The following ZNF222 variants were observed in gnomAD, a reference collection of about 807,000 sequenced individuals.
ZNF222 encodes the protein zinc finger protein 222.
Under a neutral mutation model 11.6 loss-of-function variants are expected in ZNF222, and 8 were observed. The observed-to-expected ratio is 0.69, with a 90% CI of 0.41 to 1.25. The LOEUF (loss-of-function observed/expected upper bound fraction) is 1.25. Ranked by LOEUF, ZNF222 falls within the 50% of genes most tolerant of loss-of-function variation. The pLI is 0.01. For synonymous variants in ZNF222, 171 were observed against 195.6 expected, an observed-to-expected ratio of 0.87 and a Z score of 1.05; for missense variants, 483 against 576.1, an observed-to-expected ratio of 0.84 and a Z score of 1.65.
chr19:44,030,814 A>T (rs1474137810), intron 3 of ZNF222: 1 of 152,204 alleles, frequency 6.6e-6, no homozygotes, highest in Non-Finnish European at 1.5e-5. Context: ...TGGTTCACTG[A>T]TTCCCTGTGA....
At position 44,027,263 on chromosome 19, in the gene ZNF222, C is replaced by T. The variant is rs1258580390; in HGVS notation, c.169+114C>T. The T allele has an allele frequency of 2.3e-5, 37 of 1,583,748 alleles. No individual in the cohort carries two copies. In the Admixed American group the frequency reaches 3.0e-4, roughly 13 times the overall value. The stretch of plus-strand genomic sequence containing the variant: ...AACCTACATTTCCAGTAAATTTTGC[C>T]TGGCTATTAGGTTGGTGCAAAAGTA... On this transcript the variant is annotated intron_variant, in intron 2 of 3. Coordinates refer to ENST00000391960, the MANE Select transcript of ZNF222 (RefSeq NM_001129996.2).
At chr19:44,027,580 C>T in intron 3 of ZNF222, 90 bp downstream of exon 3, 1 of 1,228,778 alleles carries the variant, frequency 8.1e-7, no homozygotes, top group Non-Finnish European at 1.2e-6. Flanking sequence ...AATGGCCAAA[C>T]CTGTTTCCTG....
intron 3 of ZNF222, among the ~76,000 whole-genome samples, chr19:44,030,513 T>C (rs1248852169): frequency 6.6e-6 from 1 of 152,270 alleles, no homozygotes; most frequent in Non-Finnish European, 1.5e-5. Context: ...ATTCACTGAA[T>C]GCTTTTATCC....
intron 1 of ZNF222, among the ~76,000 whole-genome samples, chr19:44,026,277 T>C (rs896003247): frequency 2.8e-4 from 30 of 107,506 alleles, no homozygotes; most frequent in Admixed American, 3.2e-4. Context: ...TTTTTCATTT[T>C]AAAGATGGGC....
rs141526492 is a variant in ZNF222 at position 44,028,745 on chromosome 19, A to G, written c.262+1255A>G. 3.5e-3 allele frequency among the ~76,000 whole-genome samples: 533 copies of G among 152,312 alleles called. 1 individual carries two copies. Among genetic ancestry groups the G allele is most frequent in the African/African-American group, 0.012 (503 of 41,574 alleles). On this transcript the variant is annotated intron_variant, in intron 3 of 3. Coordinates refer to ENST00000391960, the MANE Select transcript of ZNF222 (RefSeq NM_001129996.2). ...ATTTGGTATTCTTATGAATGAATTA[A>G]TGGATGAGAGGACTTGACTGTCTGT...
chr19:44,026,935 T>C, intron 1 of ZNF222, 88 bp from the exon 2 acceptor site: 1 of 1,574,896 alleles, frequency 6.3e-7, no homozygotes, highest in East Asian at 2.2e-5. Context: ...AAAACAACTT[T>C]ACACTTGTCC....
At chr19:44,031,585 C>T (rs188752856) in intron 3 of ZNF222, among the ~76,000 whole-genome samples, 17 of 152,292 alleles carry the variant, frequency 1.1e-4, no homozygotes, top group East Asian at 9.6e-4. Flanking sequence ...TGGATTTAAG[C>T]GATTCTCCTG....
At chr19:44,030,068 TA>T (rs1976468961) in intron 3 of ZNF222, among the ~76,000 whole-genome samples, 1 of 152,202 alleles carries the variant, frequency 6.6e-6, no homozygotes, top group East Asian at 1.9e-4. Flanking sequence ...GTCTTGAGTA[TA>T]AAAAGTTATA....
rs150729689 is a variant in ZNF222, at chr19:44,030,554, T to G, written c.263-1263T>G. ...GTTACTGATTCTTACAGGGAAAACATGCATATTATAGTTAACCAAGAGAGA... is the reference window on the plus strand; with the variant it reads ...GTTACTGATTCTTACAGGGAAAACAGGCATATTATAGTTAACCAAGAGAGA... On this transcript the variant is annotated intron_variant, in intron 3 of 3. Coordinates refer to ENST00000391960, the MANE Select transcript of ZNF222 (RefSeq NM_001129996.2). Among the ~76,000 whole-genome samples, 380 of 152,338 alleles carry G rather than the reference T, an allele frequency of 2.5e-3. 4 individuals carry two copies. The highest frequency in any genetic ancestry group is 8.5e-3 in the African/African-American group (353 of 41,562).
rs73933982 is a variant in ZNF222 at position 44,026,931 on chromosome 19, A to G, written c.43-92A>G. ...CCTATGTCTCTCAAGATCCAAAACA[A>G]CTTTACACTTGTCCCTTGTGCCAGT... is the stretch of plus-strand genomic sequence containing the variant. On this transcript the variant is annotated intron_variant, in intron 1 of 3. Coordinates refer to ENST00000391960, the MANE Select transcript of ZNF222 (RefSeq NM_001129996.2). 1.9e-3 allele frequency: 3,014 copies of G among 1,570,198 alleles called. 42 individuals are homozygous for G. In the African/African-American group the frequency reaches 0.036, roughly 19 times the overall value.
At chr19:44,029,200 T>TG (rs1228199377) in intron 3 of ZNF222, among the ~76,000 whole-genome samples, 5 of 147,064 alleles carry the variant, frequency 3.4e-5, no homozygotes, top group Admixed American at 6.7e-5. Flanking sequence ...TGTTTTTTTT[T>TG]TTTTTTTTTT....
At position 44,031,978 on chromosome 19, in the gene ZNF222, C is replaced by G; in HGVS notation, c.424C>G (p.Gln142Glu). Reference protein sequence around the residue: ...QLFEQDDNPSQIKARLSTVHT... With the variant: ...QLFEQDDNPSEIKARLSTVHT... ...ATTTGAACAAGATGACAACCCCTCC[C>G]AGATTAAAGCAAGACTATCTACAGT... Residue 142 changes from glutamine (Q) to glutamate (E), a missense_variant, in exon 4 of 4, where the codon CAG becomes GAG. By Grantham distance (29) the Gln-to-Glu change is conservative (BLOSUM62 2). Transcript: ENST00000391960. 5 of 1,614,206 alleles carry G rather than the reference C, an allele frequency of 3.1e-6. No individual in the cohort carries two copies. Among genetic ancestry groups the G allele is most frequent in the Non-Finnish European group, 4.2e-6 (5 of 1,180,030 alleles).
At chr19:44,029,177 G>GTTTTTTTTTTTTTTTTTTTT (rs1568503536) in intron 3 of ZNF222, among the ~76,000 whole-genome samples, 1 of 125,916 alleles carries the variant, frequency 7.9e-6, no homozygotes, top group African/African-American at 3.2e-5. Flanking sequence ...ACAGTTGTTG[G>GTTTTTTTTTTTTTTTTTTTT]TTTGTTTTGT....
rs376707144 is a variant in ZNF222 at position 44,032,810 on chromosome 19, G to T, written c.1256G>T (p.Arg419Ile). Residue 419 changes from arginine (R) to isoleucine (I), a missense_variant, in exon 4 of 4, where the codon AGA becomes ATA. By Grantham distance (97) the Arg-to-Ile change is moderately conservative. Coordinates refer to ENST00000391960, the MANE Select transcript of ZNF222 (RefSeq NM_001129996.2). ...TGTGATAACTGCGGGAAGAGCTTTA[G>T]ACATGCTTCTAGTATTTTGAATCAT... The part of the protein sequence containing the change: ...YNCDNCGKSF[R>I]HASSILNHKK... 16 of 1,613,778 alleles carry T rather than the reference G, an allele frequency of 9.9e-6. No homozygotes were observed. The African/African-American group carries it at 2.1e-4, about 22-fold the overall frequency.
In ZNF222 at chr19:44,025,536, G is replaced by T. The variant is rs1350444811; in HGVS notation, c.42+58G>T. 1.3e-5 allele frequency: 20 copies of T among 1,509,054 alleles called. No individual in the cohort carries two copies. The highest frequency in any genetic ancestry group is 1.8e-5 in the Non-Finnish European group (20 of 1,126,626). 93.5% of individuals were successfully genotyped at this position (1,509,054 alleles called of 1,614,324 possible). A position where few individuals can be genotyped will look rare whatever the true frequency, so the allele number is the denominator to read the frequency against. ...CAGTCAGCTGAGCCTTCTGGCGTCGGGGGGCTCTGCTAGGGTCTCAGGGAG... is the reference window on the plus strand; with the variant it reads ...CAGTCAGCTGAGCCTTCTGGCGTCGTGGGGCTCTGCTAGGGTCTCAGGGAG... On this transcript the variant is annotated intron_variant, in intron 1 of 3. Transcript: ENST00000391960. The surrounding 1 kb of genome is among the most constrained non-coding windows in gnomAD (Gnocchi z 4.6).
intron 3 of ZNF222, among the ~76,000 whole-genome samples, chr19:44,029,177 G>GTTTTTTTTTTTTTTTTTT (rs1568503536): frequency 1.6e-5 from 2 of 125,916 alleles, no homozygotes; most frequent in African/African-American, 6.5e-5. Flanking sequence ...ACAGTTGTTG[G>GTTTTTTTTTTTTTTTTTT]TTTGTTTTGT....
chr19:44,032,070 T>C lies in ZNF222; in HGVS notation c.516T>C (p.Phe172=). ...CKQFFSDVSF[F]DLPQQLYSGE... ...AGTTCTTCAGTGATGTTTCCTTCTT[T>C]GATCTTCCTCAGCAGTTATATTCAG... The change falls in exon 4 of 4, where the codon TTT becomes TTC. Residue 172 remains phenylalanine, a synonymous_variant. Coordinates refer to ENST00000391960, the MANE Select transcript of ZNF222 (RefSeq NM_001129996.2). The C allele has an allele frequency of 6.2e-7, 1 of 1,614,242 alleles. No homozygotes were observed. Among genetic ancestry groups the C allele is most frequent in the South Asian group, 1.1e-5 (1 of 91,092 alleles).
chr19:44,032,869 T>C lies in ZNF222; in HGVS notation c.1315T>C (p.Cys439Arg). The change falls in exon 4 of 4, where the codon TGT (cysteine) becomes CGT (arginine). Residue 439 changes from cysteine (C) to arginine (R), a missense_variant. Physicochemically the swap from Cys to Arg is radical, Grantham distance 180. Transcript: ENST00000391960. ...KLHCQRKPLK[C>R]EDCGKRLVCR... ...CCACTGCCAAAGAAAGCCATTGAAA[T>C]GTGAAGACTGTGGAAAGAGGCTTGT... 6.2e-7 allele frequency: 1 copy of C among 1,613,802 alleles called. No individual in the cohort carries two copies. The highest frequency in any genetic ancestry group is 8.5e-7 in the Non-Finnish European group (1 of 1,179,972).
In ZNF222 at chr19:44,025,998, G is replaced by C. The variant is rs531639313; in HGVS notation, c.42+520G>C. 3 of 1,600,310 alleles carry C rather than the reference G, an allele frequency of 1.9e-6. No individual in the cohort carries two copies. Among genetic ancestry groups the C allele is most frequent in the Non-Finnish European group, 2.6e-6 (3 of 1,175,262 alleles). On this transcript the variant is annotated intron_variant, in intron 1 of 3. Coordinates refer to ENST00000391960, the MANE Select transcript of ZNF222 (RefSeq NM_001129996.2). The surrounding 1 kb of genome is among the most constrained non-coding windows in gnomAD (Gnocchi z 4.6). Reference sequence around the variant, plus strand: ...TTATGGGGGACGGCAAAACGGTCAGGGTGTTTCACAGCTTTCTTTTTCCCC... The same window carrying C: ...TTATGGGGGACGGCAAAACGGTCAGCGTGTTTCACAGCTTTCTTTTTCCCC...
Sources: gnomAD v4.1 joint callset for allele counts (sites outside exome capture counted in the v4.1 genomes callset) on GRCh38, gnomAD v4.1.1 for gene constraint, Gnocchi (gnomAD v3.1) non-coding constraint, MANE v1.5 for transcripts, NCBI Gene and HGNC (gene_info 2026-07-23, HGNC 2026-07-21) for gene names.